LUZP2: variants seen among roughly 807,000 people sequenced by gnomAD.
LUZP2 encodes leucine zipper protein 2.
Under a neutral mutation model 51.6 loss-of-function variants are expected in LUZP2, and 52 were observed. The observed-to-expected ratio is 1.01, with a 90% CI of 0.81 to 1.27. LUZP2 has a LOEUF of 1.27. Among genes scored for constraint, LUZP2 ranks in the 50% most tolerant of loss-of-function variants. The pLI is 0.00. For missense variants in LUZP2, 436 were observed against 395.4 expected (o/e 1.10, Z -0.87); for synonymous variants, 154 against 137.3 (o/e 1.12, Z -0.85).
At chr11:24,504,123 T>C (rs1259041527) in intron 1 of LUZP2, among the ~76,000 whole-genome samples, 1 of 152,176 alleles carries the variant, frequency 6.6e-6, no homozygotes, top group Non-Finnish European at 1.5e-5. Context: ...TTCAGTTCTA[T>C]TGTAAGGTGA....
chr11:24,973,917 T>C (rs1481909789), intron 7 of LUZP2, among the ~76,000 whole-genome samples: 2 of 152,050 alleles, frequency 1.3e-5, no homozygotes, highest in African/African-American at 4.8e-5. Context: ...CTGTTGTTTT[T>C]TAATGGAGAG....
intron 1 of LUZP2, among the ~76,000 whole-genome samples, chr11:24,500,598 G>A (rs1262473150): frequency 6.6e-6 from 1 of 152,188 alleles, no homozygotes; most frequent in Non-Finnish European, 1.5e-5. Context: ...GAGTGCTGGA[G>A]AAGGCTCATG....
At chr11:24,829,160 G>A (rs78265482) in intron 5 of LUZP2, among the ~76,000 whole-genome samples, 2 of 152,264 alleles carry the variant, frequency 1.3e-5, no homozygotes, top group East Asian at 3.9e-4. Context: ...ACCTGCTTCA[G>A]AGAACAAACA....
At chr11:25,047,528 A>T (rs1283614605) in intron 9 of LUZP2, among the ~76,000 whole-genome samples, 1 of 152,024 alleles carries the variant, frequency 6.6e-6, no homozygotes, top group Non-Finnish European at 1.5e-5. Context: ...TGCTAAAAAC[A>T]TACCTTTTCT....
At chr11:24,656,142 A>G (rs953504994) in intron 1 of LUZP2, among the ~76,000 whole-genome samples, 2 of 152,188 alleles carry the variant, frequency 1.3e-5, no homozygotes, top group African/African-American at 4.8e-5. Context: ...CTCAAAATGA[A>G]GTTAAATCTA....
intron 1 of LUZP2, among the ~76,000 whole-genome samples, chr11:24,524,960 T>C (rs1264274445): frequency 6.6e-6 from 1 of 151,560 alleles, no homozygotes; most frequent in African/African-American, 2.4e-5. Flanking sequence ...GAGTAAGAAA[T>C]GCAGGGAGGG....
intron 1 of LUZP2, among the ~76,000 whole-genome samples, chr11:24,697,314 T>A (rs7949406): frequency 6.6e-6 from 1 of 152,042 alleles, no homozygotes; most frequent in East Asian, 1.9e-4. Flanking sequence ...AGTTAAGAGA[T>A]CTATGTATAT....
intron 1 of LUZP2, among the ~76,000 whole-genome samples, chr11:24,581,564 A>C (rs1852855969): frequency 6.6e-6 from 1 of 151,892 alleles, no homozygotes; most frequent in African/African-American, 2.4e-5. Flanking sequence ...GCAGATACTC[A>C]GGAGGCTCAG....
At chr11:24,866,510 A>G (rs1851900877) in intron 5 of LUZP2, among the ~76,000 whole-genome samples, 1 of 136,076 alleles carries the variant, frequency 7.3e-6, no homozygotes, top group Non-Finnish European at 1.6e-5. Context: ...CACATTTAGT[A>G]ACATACATAA....
At chr11:24,742,002 TTATA>T (rs1207545046) in intron 4 of LUZP2, among the ~76,000 whole-genome samples, 6 of 133,906 alleles carry the variant, frequency 4.5e-5, no homozygotes, top group African/African-American at 1.4e-4. Flanking sequence ...AATGTATATA[TTATA>T]TATAAATATA....
At chr11:25,017,768 AT>A (rs1346618436) in intron 9 of LUZP2, among the ~76,000 whole-genome samples, 1 of 151,910 alleles carries the variant, frequency 6.6e-6, no homozygotes. Flanking sequence ...TTCTGGCTCT[AT>A]TTTTGTTCCA....
intron 9 of LUZP2, among the ~76,000 whole-genome samples, chr11:25,037,954 G>A (rs1857917112): frequency 6.6e-6 from 1 of 151,968 alleles, no homozygotes; most frequent in Admixed American, 6.6e-5. Flanking sequence ...TAGTCCACTT[G>A]TATGGTCTCT....
chr11:24,877,016 A>G (rs1852292413), intron 5 of LUZP2, among the ~76,000 whole-genome samples: 1 of 152,166 alleles, frequency 6.6e-6, no homozygotes, highest in South Asian at 2.1e-4. Context: ...TTTTAGTGTA[A>G]CACTCTGCTA....
At chr11:24,931,911 C>A (rs1854467586) in intron 7 of LUZP2, among the ~76,000 whole-genome samples, 1 of 152,064 alleles carries the variant, frequency 6.6e-6, no homozygotes, top group Non-Finnish European at 1.5e-5. Context: ...ATCTGGGGTT[C>A]AGGGGTTACT....
intron 1 of LUZP2, among the ~76,000 whole-genome samples, chr11:24,566,629 C>G (rs1300879025): frequency 6.9e-6 from 1 of 145,736 alleles, no homozygotes; most frequent in Admixed American, 7.0e-5. Context: ...GATATACACA[C>G]ACACACACAC....
intron 1 of LUZP2, among the ~76,000 whole-genome samples, chr11:24,588,422 A>G (rs1853145465): frequency 6.6e-6 from 1 of 152,146 alleles, no homozygotes; most frequent in South Asian, 2.1e-4. Flanking sequence ...TCAAAGTGTC[A>G]AGAGCAATGG....
At chr11:24,967,810 A>G (rs913790712) in intron 7 of LUZP2, among the ~76,000 whole-genome samples, 2 of 151,990 alleles carry the variant, frequency 1.3e-5, no homozygotes, top group Admixed American at 1.3e-4. Context: ...AGCTGCCTTA[A>G]AGTGTTTTTC....
chr11:24,503,407 C>T (rs534442749), intron 1 of LUZP2, among the ~76,000 whole-genome samples: 23 of 152,036 alleles, frequency 1.5e-4, no homozygotes, highest in Non-Finnish European at 2.4e-4. Context: ...TTTACTAAGA[C>T]GTCTAAGAAC....
chr11:25,027,047 CATA>C (rs1353464079), intron 9 of LUZP2, among the ~76,000 whole-genome samples: 1 of 151,924 alleles, frequency 6.6e-6, no homozygotes, highest in African/African-American at 2.4e-5. Context: ...CATCCACAAA[CATA>C]ATATCAAATG....
Sources: allele counts gnomAD v4.1 joint callset (sites outside exome capture counted in the v4.1 genomes callset), GRCh38; gene constraint gnomAD v4.1.1; transcripts MANE v1.5; gene names NCBI Gene and HGNC (gene_info 2026-07-23, HGNC 2026-07-21).